The following CADM2 variants were observed in gnomAD, a reference collection of about 807,000 sequenced individuals.
The protein encoded by CADM2 is immunoglobulin superfamily member 4D.
In CADM2, 12 loss-of-function variants were observed where a neutral mutation model predicts 49.8. The ratio of observed to expected loss-of-function variants is 0.24; its 90% CI spans 0.15 to 0.39. The LOEUF (loss-of-function observed/expected upper bound fraction) is 0.39, where lower values mean the gene tolerates loss of function less well. CADM2 is among the 10% of genes least tolerant of loss of function. The pLI is 1.00. For missense variants in CADM2, 378 were observed against 492.3 expected (o/e 0.77, Z 2.20); for synonymous variants, 214 against 175.4 (o/e 1.22, Z -1.74).
intron 3 of CADM2, among the ~76,000 whole-genome samples, chr3:85,858,796 G>A (rs1020592566): frequency 2.0e-5 from 3 of 152,162 alleles, no homozygotes; most frequent in African/African-American, 7.2e-5. Context: ...AATGCCAAAG[G>A]CCACTAAAGC....
At chr3:85,041,693 C>T (rs752181682) in intron 1 of CADM2, among the ~76,000 whole-genome samples, 2 of 152,146 alleles carry the variant, frequency 1.3e-5, no homozygotes, top group African/African-American at 4.8e-5. Context: ...TAAACCAGAT[C>T]CAATTCAGAG....
At chr3:85,089,971 C>T (rs1366420901) in intron 1 of CADM2, among the ~76,000 whole-genome samples, 4 of 151,984 alleles carry the variant, frequency 2.6e-5, no homozygotes, top group African/African-American at 7.3e-5. Context: ...GTTGTTTGTG[C>T]TGTGAAATTA....
chr3:85,260,476 C>G lies in CADM2; in HGVS notation c.61+300808C>G, dbSNP rs371851142. ...TAGACAGATCCTCAACATAACTAAACAAATGTCTGGCATGATGATGGCTTT... is the reference window on the plus strand; with the variant it reads ...TAGACAGATCCTCAACATAACTAAAGAAATGTCTGGCATGATGATGGCTTT... On this transcript the variant is annotated intron_variant, in intron 1 of 9. Transcript: ENST00000383699. 1.1e-3 allele frequency among the ~76,000 whole-genome samples: 165 copies of G among 152,184 alleles called. 1 individual carries two copies. The South Asian group carries it at 0.021, about 19-fold the overall frequency.
At chr3:85,208,364 C>G (rs1236140348) in intron 1 of CADM2, among the ~76,000 whole-genome samples, 1 of 152,098 alleles carries the variant, frequency 6.6e-6, no homozygotes, top group African/African-American at 2.4e-5. Flanking sequence ...AGGTGTATGA[C>G]TTAGTCAGAT....
intron 6 of CADM2, among the ~76,000 whole-genome samples, chr3:85,913,704 A>T (rs530166331): frequency 6.6e-6 from 1 of 152,288 alleles, no homozygotes; most frequent in South Asian, 2.1e-4. Context: ...CATCCATTCT[A>T]GGTAGGGATG....
chr3:84,988,711 G>C (rs534751927), intron 1 of CADM2, among the ~76,000 whole-genome samples: 3 of 151,854 alleles, frequency 2.0e-5, no homozygotes, highest in African/African-American at 7.2e-5. Context: ...TGATCATCTG[G>C]TTCCTATTAT....
At chr3:85,652,723 C>G in intron 1 of CADM2, among the ~76,000 whole-genome samples, 1 of 149,276 alleles carries the variant, frequency 6.7e-6, no homozygotes, top group East Asian at 2.0e-4. Context: ...GACAGTATTT[C>G]CCAAATGCCA....
chr3:86,009,981 T>C (rs1731300367), intron 8 of CADM2, among the ~76,000 whole-genome samples: 1 of 151,880 alleles, frequency 6.6e-6, no homozygotes, highest in Non-Finnish European at 1.5e-5. Flanking sequence ...TTTTTACTTG[T>C]TGATTGTCTT....
chr3:85,105,374 T>G (rs777007045), intron 1 of CADM2, among the ~76,000 whole-genome samples: 3 of 152,122 alleles, frequency 2.0e-5, no homozygotes, highest in Non-Finnish European at 2.9e-5. Context: ...ATCAGAGAAA[T>G]GCAAATCAAA....
intron 8 of CADM2, among the ~76,000 whole-genome samples, chr3:85,980,269 G>GT (rs916483057): frequency 6.6e-6 from 1 of 151,378 alleles, no homozygotes; most frequent in African/African-American, 2.4e-5. Flanking sequence ...TGAAGGTTAT[G>GT]TTTAGCATTA....
chr3:85,784,212 T>A (rs2070830411), intron 2 of CADM2, among the ~76,000 whole-genome samples: 1 of 152,214 alleles, frequency 6.6e-6, no homozygotes, highest in South Asian at 2.1e-4. Flanking sequence ...CTAATTCTAT[T>A]CAATGCCCTT....
At chr3:85,393,607 G>A (rs956969299) in intron 1 of CADM2, among the ~76,000 whole-genome samples, 1 of 152,094 alleles carries the variant, frequency 6.6e-6, no homozygotes, top group African/African-American at 2.4e-5. Flanking sequence ...CTGCATGGAA[G>A]AGGTGGCATA....
At chr3:85,140,115 G>C (rs113070251) in intron 1 of CADM2, among the ~76,000 whole-genome samples, 8,792 of 152,170 alleles carry the variant, frequency 0.058, 371 homozygotes, top group Non-Finnish European at 0.088. Flanking sequence ...AAAGCCATCA[G>C]GTTAAAAGAT....
intron 8 of CADM2, among the ~76,000 whole-genome samples, chr3:86,021,698 T>C (rs1303092095): frequency 6.6e-6 from 1 of 152,206 alleles, no homozygotes; most frequent in Non-Finnish European, 1.5e-5. Flanking sequence ...GATCCTATTC[T>C]TTGTGAGGGT....
chr3:85,374,300 T>A (rs1304483557), intron 1 of CADM2, among the ~76,000 whole-genome samples: 1 of 152,162 alleles, frequency 6.6e-6, no homozygotes, highest in East Asian at 1.9e-4. Flanking sequence ...CACAGGTCTC[T>A]AGGGCTGGGG....
intron 1 of CADM2, among the ~76,000 whole-genome samples, chr3:85,588,279 T>C (rs2062997966): frequency 6.6e-6 from 1 of 152,064 alleles, no homozygotes; most frequent in Non-Finnish European, 1.5e-5. Flanking sequence ...AAAATTCTGA[T>C]GTTTTAATTT....
intron 3 of CADM2, among the ~76,000 whole-genome samples, chr3:85,874,268 G>T (rs1711519418): frequency 6.6e-6 from 1 of 152,124 alleles, no homozygotes; most frequent in Non-Finnish European, 1.5e-5. Context: ...ACACAATGTA[G>T]TCTGGAGTCA....
intron 2 of CADM2, among the ~76,000 whole-genome samples, chr3:85,776,223 A>T (rs1004974045): frequency 6.6e-6 from 1 of 151,842 alleles, no homozygotes; most frequent in East Asian, 1.9e-4. Flanking sequence ...CATTGAGAAA[A>T]ATACATCTTT....
At chr3:85,400,584 T>G (rs535057307) in intron 1 of CADM2, among the ~76,000 whole-genome samples, 1 of 152,102 alleles carries the variant, frequency 6.6e-6, no homozygotes, top group Non-Finnish European at 1.5e-5. Flanking sequence ...GGTCCTGGAC[T>G]TTTTTTGGTT....
Sources: gnomAD v4.1 joint callset for allele counts (sites outside exome capture counted in the v4.1 genomes callset) on GRCh38, gnomAD v4.1.1 for gene constraint, MANE v1.5 for transcripts, NCBI Gene and HGNC (gene_info 2026-07-23, HGNC 2026-07-21) for gene names.